Variants in FEM1C observed in about 807,000 individuals in gnomAD.
FEM1C encodes the protein protein fem-1 homolog C.
A neutral mutation model predicts 37.6 loss-of-function variants in FEM1C; 15 were observed. The observed-to-expected ratio is 0.40, with a 90% CI of 0.27 to 0.61. FEM1C has a LOEUF of 0.61. Among genes scored for constraint, FEM1C ranks in the 20% least tolerant of loss-of-function variants. The probability of loss-of-function intolerance (pLI) is 0.42; values close to 1 mark genes in which losing one functional copy is unlikely to be tolerated. For missense variants in FEM1C, 532 were observed against 749.7 expected (o/e 0.71, Z 3.39); for synonymous variants, 287 against 272.8 (o/e 1.05, Z -0.51).
intron 2 of FEM1C, among the ~76,000 whole-genome samples, chr5:115,538,123 T>C (rs1754166286): frequency 6.6e-6 from 1 of 152,032 alleles, no homozygotes; most frequent in African/African-American, 2.4e-5. Flanking sequence ...TTTTAAACTT[T>C]AGCAAATGGG....
intron 2 of FEM1C, among the ~76,000 whole-genome samples, chr5:115,532,405 C>T (rs979910453): frequency 6.6e-6 from 1 of 151,902 alleles, no homozygotes; most frequent in Non-Finnish European, 1.5e-5. Flanking sequence ...AAGTAATATC[C>T]TAGAAGGAGA....
At chr5:115,528,460 C>A (rs898358499) in intron 2 of FEM1C, among the ~76,000 whole-genome samples, 1 of 152,084 alleles carries the variant, frequency 6.6e-6, no homozygotes, top group South Asian at 2.1e-4. Flanking sequence ...AAATTCCCCA[C>A]ACTTTGGGTT....
rs1035963062 is a variant in FEM1C at position 115,523,166 on chromosome 5, T to G, written c.*1142A>C. ...TTGAAGAAAGAAAGAACACTGTTAC[T>G]GACCTTTGATATTATGGCAGTAAAT... On this transcript the variant is annotated 3_prime_UTR_variant, in exon 3 of 3. Transcript: ENST00000274457. 2.6e-5 allele frequency: 4 copies of G among 152,490 alleles called. No homozygotes were observed. Among genetic ancestry groups the G allele is most frequent in the African/African-American group, 9.7e-5 (4 of 41,446 alleles). The allele number at this position is 152,490 out of a possible 1,614,324, so 9.4% of individuals were successfully genotyped here. A position where few individuals can be genotyped will look rare whatever the true frequency, so the allele number is the denominator to read the frequency against.
rs1006500117 is a variant in FEM1C at position 115,543,668 on chromosome 5, C to G, written c.-175G>C. The G allele has an allele frequency of 1.6e-5, 22 of 1,363,640 alleles. No homozygotes were observed. The highest frequency in any genetic ancestry group is 2.1e-5 in the Non-Finnish European group (22 of 1,063,038). The allele number at this position is 1,363,640 out of a possible 1,614,324, so 84.5% of individuals were successfully genotyped here. A position where few individuals can be genotyped will look rare whatever the true frequency, so the allele number is the denominator to read the frequency against. On this transcript the variant is annotated 5_prime_UTR_variant, in exon 2 of 3. Transcript: ENST00000274457. Reference sequence around the variant, plus strand: ...CGTCCTACTGCTTTCCAACATCTGACAACCAGGGCACCAAACTAGAGAAAG... The same window carrying G: ...CGTCCTACTGCTTTCCAACATCTGAGAACCAGGGCACCAAACTAGAGAAAG...
Position 115,525,341 on chromosome 5 carries a change from T to C in FEM1C, c.821A>G (p.Asn274Ser). Residue 274 changes from asparagine (N) to serine (S), a missense_variant, in exon 3 of 3, where the codon AAC (asparagine) becomes AGC (serine). Coordinates refer to ENST00000274457, the MANE Select transcript of FEM1C (RefSeq NM_020177.3). ...GALKYWKKAM[N>S]MRYSDRTNII... The stretch of plus-strand genomic sequence containing the variant: ...ATTAGTCCTATCACTGTACCTCATG[T>C]TCATTGCCTTTTTCCAGTATTTCAA... 1 of 1,613,728 alleles carries C rather than the reference T, an allele frequency of 6.2e-7. No homozygotes were observed. The highest frequency in any genetic ancestry group is 8.5e-7 in the Non-Finnish European group (1 of 1,179,796).
rs3727 is a variant in FEM1C at position 115,521,013 on chromosome 5, T to C, written c.*3295A>G. 3,810 of 150,486 alleles carry C rather than the reference T, an allele frequency of 0.025. 80 individuals are homozygous for C. The highest frequency in any genetic ancestry group is 0.038 in the Admixed American group (574 of 15,002). 9.3% of individuals were successfully genotyped at this position (150,486 alleles called of 1,614,324 possible). ...TGGCATCCGAATACAGTACTTCTTT[T>C]GAAAAAATACACAATGGGAACTGAC... On this transcript the variant is annotated 3_prime_UTR_variant, in exon 3 of 3. Transcript: ENST00000274457.
chr5:115,542,369 T>A (rs930049633), intron 2 of FEM1C, among the ~76,000 whole-genome samples: 20 of 152,176 alleles, frequency 1.3e-4, no homozygotes, highest in Non-Finnish European at 2.8e-4. Flanking sequence ...ATTTAATGCA[T>A]GTTCTTATAA....
In FEM1C at chr5:115,543,230, C is replaced by T; in HGVS notation, c.264G>A (p.Trp88Ter). The T allele has an allele frequency of 6.2e-7, 1 of 1,614,140 alleles. No homozygotes were observed. Among genetic ancestry groups the T allele is most frequent in the Non-Finnish European group, 8.5e-7 (1 of 1,180,014 alleles). ...GETIEGAPPL[W>*]AASAAGHLKV... ...TCAGATGTCCTGCTGCAGAAGCGGC[C>T]CATAAAGGGGGAGCCCCCTCAATGG... The change falls in exon 2 of 3, where the codon TGG becomes TGA. Residue 88 changes from tryptophan (W) to a stop codon, truncating the protein, a stop_gained. Transcript: ENST00000274457. LOFTEE classifies it high-confidence loss of function.
Position 115,525,477 on chromosome 5 carries a change from T to C in FEM1C, c.685A>G (p.Ile229Val), listed in dbSNP as rs752932852. 3.1e-6 allele frequency: 5 copies of C among 1,613,690 alleles called. No individual in the cohort carries two copies. ...GCATGGTGTGTCAGAAAATCCACAA[T>C]ATTTGTGTGACCAGTCACACTTGCT... is the stretch of plus-strand genomic sequence containing the variant. ...LSASVTGHTNIVDFLTHHAQT... is the reference protein window; with the variant it reads ...LSASVTGHTNVVDFLTHHAQT... Residue 229 changes from isoleucine (I) to valine (V), a missense_variant, in exon 3 of 3, where the codon ATT becomes GTT. Ile to Val is a conservative substitution (Grantham distance 29). Coordinates refer to ENST00000274457, the MANE Select transcript of FEM1C (RefSeq NM_020177.3).
intron 2 of FEM1C, among the ~76,000 whole-genome samples, chr5:115,540,763 C>T (rs914576488): frequency 5.3e-5 from 8 of 152,046 alleles, no homozygotes; most frequent in African/African-American, 1.7e-4. Context: ...GTTCTCATCT[C>T]TCCAATAACA....
At position 115,524,664 on chromosome 5, in the gene FEM1C, A is replaced by T. The variant is rs1159205445; in HGVS notation, c.1498T>A (p.Tyr500Asn). 1 of 1,558,184 alleles carries T rather than the reference A, an allele frequency of 6.4e-7. No homozygotes were observed. Among genetic ancestry groups the T allele is most frequent in the Non-Finnish European group, 8.6e-7 (1 of 1,156,256 alleles). The change falls in exon 3 of 3, where the codon TAC becomes AAC. Residue 500 changes from tyrosine to asparagine, a missense_variant. Tyr to Asn is a moderately radical substitution (Grantham distance 143). Transcript: ENST00000274457. ...VDKNTTCVGR[Y>N]PVCKFPSLQV... ...AGAGATGGAAATTTACAAACAGGGT[A>T]CCGCCCTACACATGTAGTATTCTTG...
Position 115,524,023 on chromosome 5 carries a change from C to T in FEM1C, c.*285G>A. 1 of 311,868 alleles carries T rather than the reference C, an allele frequency of 3.2e-6. No individual in the cohort carries two copies. 19.3% of individuals were successfully genotyped at this position (311,868 alleles called of 1,614,324 possible). ...GAGAAATGGTTAACTCTGCCCCAAA[C>T]ACCCAACAGCAAACAAAACCAGAAT... On this transcript the variant is annotated 3_prime_UTR_variant, in exon 3 of 3. Coordinates refer to ENST00000274457, the MANE Select transcript of FEM1C (RefSeq NM_020177.3).
chr5:115,524,410 G>C lies in FEM1C; in HGVS notation c.1752C>G (p.Thr584=). 6.2e-7 allele frequency: 1 copy of C among 1,613,520 alleles called. No homozygotes were observed. The part of the protein sequence containing the change: ...AKNLIQPINH[T]TLQCLAARVI... Reference sequence around the variant, plus strand: ...CACGAGCAGCAAGACACTGCAATGTGGTATGATTTATAGGCTGGATTAAAT... The same window carrying C: ...CACGAGCAGCAAGACACTGCAATGTCGTATGATTTATAGGCTGGATTAAAT... The change falls in exon 3 of 3, where the codon ACC becomes ACG. Residue 584 remains threonine (T), a synonymous_variant. Coordinates refer to ENST00000274457, the MANE Select transcript of FEM1C (RefSeq NM_020177.3).
chr5:115,526,946 A>G (rs1474641585), intron 2 of FEM1C, among the ~76,000 whole-genome samples: 1 of 152,114 alleles, frequency 6.6e-6, no homozygotes. Context: ...GGGTACCTAC[A>G]TGACCAGCCC....
intron 2 of FEM1C, among the ~76,000 whole-genome samples, chr5:115,540,328 AAC>A (rs1754213571): frequency 6.6e-6 from 1 of 152,140 alleles, no homozygotes; most frequent in Non-Finnish European, 1.5e-5. Context: ...TATGGAAATT[AAC>A]AGATACCATG....
intron 2 of FEM1C, among the ~76,000 whole-genome samples, chr5:115,535,643 C>T (rs1023573569): frequency 6.6e-6 from 1 of 151,846 alleles, no homozygotes; most frequent in Non-Finnish European, 1.5e-5. Flanking sequence ...ACTCTTCTTA[C>T]ATTGCTGACA....
At position 115,524,700 on chromosome 5, in the gene FEM1C, G is replaced by C. The variant is rs147350117; in HGVS notation, c.1462C>G (p.Leu488Val). Residue 488 changes from leucine (L) to valine (V), a missense_variant, in exon 3 of 3, where the codon CTG becomes GTG. By Grantham distance (32) the Leu-to-Val change is conservative. Coordinates refer to ENST00000274457, the MANE Select transcript of FEM1C (RefSeq NM_020177.3). Reference protein sequence around the residue: ...RGKNNFSPLHLAVDKNTTCVG... With the variant: ...RGKNNFSPLHVAVDKNTTCVG... ...CATGTAGTATTCTTGTCCACAGCCA[G>C]ATGAAGAGGGCTGAAGTTATTCTTT... 1 of 1,543,506 alleles carries C rather than the reference G, an allele frequency of 6.5e-7. No homozygotes were observed. The highest frequency in any genetic ancestry group is 8.7e-7 in the Non-Finnish European group (1 of 1,149,864).
In FEM1C at chr5:115,526,849, C is replaced by G. The variant is rs116137739; in HGVS notation, c.545-1232G>C. On this transcript the variant is annotated intron_variant, in intron 2 of 2. Transcript: ENST00000274457. ...AAATGATAAGGGTATCTCACTGTACCTAAACTGTATGTAGAAACAATGCAG... is the reference window on the plus strand; with the variant it reads ...AAATGATAAGGGTATCTCACTGTACGTAAACTGTATGTAGAAACAATGCAG... Among the ~76,000 whole-genome samples the G allele has an allele frequency of 9.6e-3, 1,460 of 152,096 alleles. 33 individuals carry two copies. The highest frequency in any genetic ancestry group is 0.033 in the African/African-American group (1,378 of 41,484).
chr5:115,524,202 G>T lies in FEM1C; in HGVS notation c.*106C>A. ...ATGCTTTAGCCAATGAGAGCACAAT[G>T]ATATCAATCAAGCTAAATGAATGCT... On this transcript the variant is annotated 3_prime_UTR_variant, in exon 3 of 3. Transcript: ENST00000274457. The T allele has an allele frequency of 2.3e-6, 2 of 864,164 alleles. No homozygotes were observed. The highest frequency in any genetic ancestry group is 3.6e-6 in the Non-Finnish European group (2 of 548,008). The allele number at this position is 864,164 out of a possible 1,614,324, so 53.5% of individuals were successfully genotyped here.
Sources: allele counts gnomAD v4.1 joint callset (sites outside exome capture counted in the v4.1 genomes callset), GRCh38; gene constraint gnomAD v4.1.1; transcripts MANE v1.5; gene names NCBI Gene and HGNC (gene_info 2026-07-23, HGNC 2026-07-21).